KHDRBS2: variants seen among roughly 807,000 people sequenced by gnomAD.
KHDRBS2 encodes the protein KH RNA binding domain containing, signal transduction associated 2.
Under a neutral mutation model 44.3 loss-of-function variants are expected in KHDRBS2, and 26 were observed. The observed-to-expected ratio is 0.59, with a 90% CI of 0.43 to 0.81. The LOEUF (loss-of-function observed/expected upper bound fraction) is 0.81. Among genes scored for constraint, KHDRBS2 ranks in the 40% least tolerant of loss-of-function variants. KHDRBS2 has a pLI of 0.00. For synonymous variants in KHDRBS2, 194 were observed against 151.1 expected (o/e 1.28, Z -2.08); for missense variants, 476 against 433.1 (o/e 1.10, Z -0.88).
chr6:62,073,494 G>A (rs1217138293), intron 2 of KHDRBS2, among the ~76,000 whole-genome samples: 1 of 147,658 alleles, frequency 6.8e-6, no homozygotes, highest in African/African-American at 2.5e-5. Flanking sequence ...TCTTTACAAA[G>A]AGCCAGATTA....
intron 6 of KHDRBS2, among the ~76,000 whole-genome samples, chr6:61,734,968 C>A (rs1188236031): frequency 6.6e-6 from 1 of 152,160 alleles, no homozygotes; most frequent in Non-Finnish European, 1.5e-5. Flanking sequence ...GCCTCTTTCA[C>A]CATTGTTGGT....
chr6:62,266,383 T>C (rs1419672121), intron 1 of KHDRBS2, among the ~76,000 whole-genome samples: 1 of 151,950 alleles, frequency 6.6e-6, no homozygotes, highest in African/African-American at 2.4e-5. Context: ...CAGCGAATTA[T>C]TGCCTCCTAG....
chr6:61,952,734 A>C (rs1419144507), intron 4 of KHDRBS2, among the ~76,000 whole-genome samples: 1 of 152,076 alleles, frequency 6.6e-6, no homozygotes, highest in Non-Finnish European at 1.5e-5. Flanking sequence ...ATCATAGCCT[A>C]ATGTGTCAAG....
chr6:62,087,827 A>G (rs6922596), intron 2 of KHDRBS2, among the ~76,000 whole-genome samples: 3,726 of 152,238 alleles, frequency 0.024, 163 homozygotes, highest in African/African-American at 0.084. Context: ...CTTCAGGTAC[A>G]CCAATCAAAT....
chr6:62,136,200 A>T (rs898174674), intron 2 of KHDRBS2, among the ~76,000 whole-genome samples: 10 of 152,152 alleles, frequency 6.6e-5, no homozygotes, highest in African/African-American at 2.2e-4. Flanking sequence ...ATACAATAAA[A>T]TTTTTTAAAT....
intron 3 of KHDRBS2, among the ~76,000 whole-genome samples, chr6:62,005,324 G>A (rs911234074): frequency 6.6e-6 from 1 of 151,702 alleles, no homozygotes; most frequent in Non-Finnish European, 1.5e-5. Flanking sequence ...TATTAACCTT[G>A]TTATTTTTTG....
the KHDRBS2 span, among the ~76,000 whole-genome samples, chr6:61,611,721 C>A: frequency 3.9e-5 from 6 of 152,126 alleles, no homozygotes; most frequent in Admixed American, 3.3e-4. Flanking sequence ...TCATTTGATT[C>A]TTTGTTCAAA....
chr6:61,978,016 A>C (rs1583917771), intron 4 of KHDRBS2, 50 bp downstream of exon 4: 1 of 1,477,470 alleles, frequency 6.8e-7, no homozygotes, highest in Non-Finnish European at 9.2e-7. Context: ...GGTGCATTTT[A>C]AAATAGAAGC....
intron 3 of KHDRBS2, among the ~76,000 whole-genome samples, chr6:62,030,963 A>G (rs1784234513): frequency 6.6e-6 from 1 of 152,128 alleles, no homozygotes; most frequent in Admixed American, 6.6e-5. Flanking sequence ...GACATAAAAC[A>G]ATGAACTACT....
the KHDRBS2 span, among the ~76,000 whole-genome samples, chr6:61,646,248 T>C: frequency 6.6e-6 from 1 of 152,278 alleles, no homozygotes; most frequent in Non-Finnish European, 1.5e-5. Flanking sequence ...AGGAATGTTA[T>C]GTAAATGAGC....
the KHDRBS2 span, among the ~76,000 whole-genome samples, chr6:61,642,269 C>T: frequency 1.4e-4 from 22 of 152,114 alleles, no homozygotes; most frequent in Non-Finnish European, 2.9e-4. Flanking sequence ...CATTATATCA[C>T]CTATTACCTT....
chr6:62,128,221 C>A (rs576049978), intron 2 of KHDRBS2, among the ~76,000 whole-genome samples: 1 of 152,062 alleles, frequency 6.6e-6, no homozygotes, highest in Admixed American at 6.6e-5. Context: ...CCCTTTACTC[C>A]CTATAGAATT....
the KHDRBS2 span, among the ~76,000 whole-genome samples, chr6:61,546,642 A>G: frequency 6.6e-6 from 1 of 152,246 alleles, no homozygotes; most frequent in South Asian, 2.1e-4. Flanking sequence ...AAGTAAGATA[A>G]TTATTTATCC....
At chr6:62,026,293 G>A (rs1434968949) in intron 3 of KHDRBS2, among the ~76,000 whole-genome samples, 1 of 151,536 alleles carries the variant, frequency 6.6e-6, no homozygotes, top group Non-Finnish European at 1.5e-5. Flanking sequence ...TCTCTGTAGT[G>A]AATTGCTCAT....
At chr6:61,663,546 A>G in the KHDRBS2 span, among the ~76,000 whole-genome samples, 1 of 30,900 alleles carries the variant, frequency 3.2e-5, no homozygotes, top group Non-Finnish European at 7.2e-5. Context: ...ACATGGCAGT[A>G]GAAATCTGAC....
rs531779131 is a variant in KHDRBS2, at chr6:61,764,700, C to A, written c.811-31936G>T. On this transcript the variant is annotated intron_variant, in intron 6 of 8. Transcript: ENST00000281156. ...TCTTTTGAGAAGTGTGTATTCATGT[C>A]CTTTGCACACTTTTCAATAGAGTTG... Among the ~76,000 whole-genome samples the A allele has an allele frequency of 1.2e-4, 18 of 151,956 alleles. No homozygotes were observed. The South Asian group carries it at 3.5e-3, about 30-fold the overall frequency.
chr6:61,988,185 T>C (rs1433544138), intron 3 of KHDRBS2, among the ~76,000 whole-genome samples: 1 of 152,088 alleles, frequency 6.6e-6, no homozygotes, highest in Non-Finnish European at 1.5e-5. Flanking sequence ...CCTCAAATAA[T>C]AAAAGGGTGT....
intron 4 of KHDRBS2, among the ~76,000 whole-genome samples, chr6:61,977,807 C>T (rs1175182876): frequency 6.6e-6 from 1 of 152,086 alleles, no homozygotes; most frequent in Non-Finnish European, 1.5e-5. Context: ...ATGTCTTTTT[C>T]TTCATGACTA....
intron 2 of KHDRBS2, among the ~76,000 whole-genome samples, chr6:62,105,572 T>A (rs1311264381): frequency 6.6e-6 from 1 of 152,190 alleles, no homozygotes; most frequent in East Asian, 1.9e-4. Flanking sequence ...CGTAGAGGTG[T>A]TTGTAGTATT....
Sources: gnomAD v4.1 joint callset for allele counts (sites outside exome capture counted in the v4.1 genomes callset) on GRCh38, gnomAD v4.1.1 for gene constraint, MANE v1.5 for transcripts, NCBI Gene and HGNC (gene_info 2026-07-23, HGNC 2026-07-21) for gene names.